Variants in RSL24D1 observed in about 807,000 individuals in gnomAD.
RSL24D1 encodes the protein ribosomal L24 domain containing 1.
A neutral mutation model predicts 26.2 loss-of-function variants in RSL24D1; 6 were observed. The ratio of observed to expected loss-of-function variants is 0.23; its 90% confidence interval spans 0.13 to 0.45. The LOEUF (loss-of-function observed/expected upper bound fraction) is 0.45, where lower values mean the gene tolerates loss of function less well. Among genes scored for constraint, RSL24D1 ranks in the 20% least tolerant of loss-of-function variants. The pLI, the probability that RSL24D1 is intolerant of heterozygous loss-of-function variation, is 0.99. For synonymous variants in RSL24D1, 61 were observed against 59.1 expected (o/e 1.03, Z -0.15); for missense variants, 176 against 202.6 (o/e 0.87, Z 0.80).
chr15:55,181,882 A>G lies in RSL24D1; in HGVS notation c.*270T>C. On this transcript the variant is annotated 3_prime_UTR_variant, in exon 6 of 6. Coordinates refer to ENST00000260443, the MANE Select transcript of RSL24D1 (RefSeq NM_016304.3). ...TGCTGCCTAGTGCCATTATCCAAAT[A>G]GCACAACCATTTTACGTCCACAATT... 1 of 332,272 alleles carries G rather than the reference A, an allele frequency of 3.0e-6. No homozygotes were observed. 20.6% of individuals were successfully genotyped at this position (332,272 alleles called of 1,614,324 possible).
At chr15:55,191,925 A>G (rs1894302445) in intron 2 of RSL24D1, among the ~76,000 whole-genome samples, 1 of 152,256 alleles carries the variant, frequency 6.6e-6, no homozygotes, top group South Asian at 2.1e-4. Context: ...CTTTTCTTCC[A>G]GAATGAAAAT....
intron 5 of RSL24D1, among the ~76,000 whole-genome samples, chr15:55,182,799 C>A (rs1894183128): frequency 6.6e-6 from 1 of 152,184 alleles, no homozygotes; most frequent in Non-Finnish European, 1.5e-5. Context: ...ACTAAGATTT[C>A]TTTCCCTTTA....
At chr15:55,185,529 T>TCA in intron 3 of RSL24D1, 104 bp from the exon 4 acceptor site, 2 of 815,118 alleles carry the variant, frequency 2.5e-6, no homozygotes, top group Non-Finnish European at 3.8e-6. Context: ...AGAAATGAAT[T>TCA]TACATGAAAA....
At chr15:55,188,146 ATTAGT>A (rs539555220) in intron 3 of RSL24D1, among the ~76,000 whole-genome samples, 11 of 152,334 alleles carry the variant, frequency 7.2e-5, no homozygotes, top group Non-Finnish European at 1.5e-4. Flanking sequence ...TTGTCAATAG[ATTAGT>A]TTATAGACCA....
At chr15:55,193,489 T>G (rs903936768) in intron 1 of RSL24D1, among the ~76,000 whole-genome samples, 5 of 152,220 alleles carry the variant, frequency 3.3e-5, no homozygotes, top group African/African-American at 1.2e-4. Context: ...TAGAACACAC[T>G]GCAATTTGTG....
intron 1 of RSL24D1, chr15:55,196,496 T>A: frequency 1.7e-6 from 1 of 573,404 alleles, no homozygotes. Context: ...TTGGCCCAAG[T>A]ACATGAGTGG....
rs1041331791 is a variant in RSL24D1, at chr15:55,185,342, C to G, written c.332+20G>C. On this transcript the variant is annotated intron_variant, in intron 4 of 5. Transcript: ENST00000260443. ...ACTAGTAATTATTTTCCAAAAGTTACTCCATACAAATATTCATACCTGTTC... is the reference window on the plus strand; with the variant it reads ...ACTAGTAATTATTTTCCAAAAGTTAGTCCATACAAATATTCATACCTGTTC... The G allele has an allele frequency of 6.4e-7, 1 of 1,556,478 alleles. No individual in the cohort carries two copies. The highest frequency in any genetic ancestry group is 1.4e-5 in the African/African-American group (1 of 71,646).
chr15:55,196,134 CTTA>C (rs1418266095), intron 1 of RSL24D1, among the ~76,000 whole-genome samples: 12 of 152,180 alleles, frequency 7.9e-5, no homozygotes, highest in African/African-American at 1.2e-4. Context: ...CGTTTACAGA[CTTA>C]TTATACTTGT....
At chr15:55,194,803 TACAC>T (rs143219738) in intron 1 of RSL24D1, among the ~76,000 whole-genome samples, 28,861 of 146,912 alleles carry the variant, frequency 0.2, 2,794 homozygotes, top group East Asian at 0.25. Context: ...CCTCTGTCTC[TACAC>T]ACACACACAC....
chr15:55,192,033 G>A (rs1172294331), intron 2 of RSL24D1, among the ~76,000 whole-genome samples: 3 of 152,132 alleles, frequency 2.0e-5, no homozygotes, highest in African/African-American at 7.2e-5. Flanking sequence ...GCCAGGAAAG[G>A]GCTTCATGGA....
At chr15:55,186,315 T>A (rs1390648568) in intron 3 of RSL24D1, among the ~76,000 whole-genome samples, 1 of 152,104 alleles carries the variant, frequency 6.6e-6, no homozygotes, top group African/African-American at 2.4e-5. Flanking sequence ...TCTTAAAGTA[T>A]CTCTCAAAAG....
At chr15:55,196,357 A>G in intron 1 of RSL24D1, 1 of 457,786 alleles carries the variant, frequency 2.2e-6, no homozygotes, top group Non-Finnish European at 4.4e-6. Context: ...ACTCACCTGC[A>G]GTAACTTAAT....
At chr15:55,183,421 G>T in intron 4 of RSL24D1, 21 bp from the exon 5 acceptor site, 1 of 1,586,838 alleles carries the variant, frequency 6.3e-7, no homozygotes, top group Non-Finnish European at 8.6e-7. Flanking sequence ...ACATATTAAA[G>T]CCAAAATTTC....
chr15:55,186,011 T>A (rs1316246511), intron 3 of RSL24D1, among the ~76,000 whole-genome samples: 1 of 152,206 alleles, frequency 6.6e-6, no homozygotes, highest in African/African-American at 2.4e-5. Context: ...TATGAAATTT[T>A]AAATTTTCTA....
intron 3 of RSL24D1, among the ~76,000 whole-genome samples, chr15:55,187,076 G>T (rs1412687827): frequency 2.0e-5 from 3 of 152,118 alleles, no homozygotes; most frequent in Admixed American, 1.3e-4. Flanking sequence ...CATCATTTGG[G>T]AGCTTGTTAG....
chr15:55,182,497 T>C (rs1279532659), intron 5 of RSL24D1, among the ~76,000 whole-genome samples: 2 of 152,158 alleles, frequency 1.3e-5, no homozygotes, highest in African/African-American at 4.8e-5. Flanking sequence ...TTGCTGAAGG[T>C]CACTCAACTA....
chr15:55,187,896 T>TA (rs1192457336), intron 3 of RSL24D1, among the ~76,000 whole-genome samples: 4 of 150,662 alleles, frequency 2.7e-5, no homozygotes, highest in Non-Finnish European at 1.5e-5. Flanking sequence ...CTATTAAGAT[T>TA]AAAAAAAAGT....
rs1595655324 is a variant in RSL24D1, at chr15:55,196,819, G to A, written c.72C>T (p.Asn24=). 2.5e-6 allele frequency: 4 copies of A among 1,614,170 alleles called. No individual in the cohort carries two copies. Among genetic ancestry groups the A allele is most frequent in the African/African-American group, 1.3e-5 (1 of 75,056 alleles). Residue 24 remains asparagine, a synonymous_variant, in exon 1 of 6, where the codon AAC becomes AAT. Transcript: ENST00000260443. Reference sequence around the variant, plus strand: ...GTGTCGACCGCCTTACCTTGCAATCGTTGCGGACGAACATCATGCCGTGTC... The same window carrying A: ...GTGTCGACCGCCTTACCTTGCAATCATTGCGGACGAACATCATGCCGTGTC... ...YPGHGMMFVR[N]DCKVFRFCKS...
intron 1 of RSL24D1, among the ~76,000 whole-genome samples, chr15:55,196,045 G>T (rs1197900539): frequency 6.6e-6 from 1 of 152,162 alleles, no homozygotes; most frequent in East Asian, 1.9e-4. Context: ...AGAGGAACGG[G>T]ATTCATTCTG....
Sources: gnomAD v4.1 joint callset for allele counts (sites outside exome capture counted in the v4.1 genomes callset) on GRCh38, gnomAD v4.1.1 for gene constraint, MANE v1.5 for transcripts, NCBI Gene and HGNC (gene_info 2026-07-23, HGNC 2026-07-21) for gene names.